DIAPH2: variants seen among roughly 807,000 people sequenced by gnomAD.
DIAPH2 encodes the protein protein diaphanous homolog 2.
DIAPH2 carries 35 observed loss-of-function variants against 92.7 expected under a neutral mutation model. The observed-to-expected ratio is 0.38, with a 90% CI of 0.29 to 0.50. The LOEUF (loss-of-function observed/expected upper bound fraction) is 0.50, where lower values mean the gene tolerates loss of function less well. Ranked by LOEUF, DIAPH2 falls within the 20% of genes least tolerant of loss-of-function variation. DIAPH2 has a pLI of 0.94. For synonymous variants in DIAPH2, 301 were observed against 280.4 expected, an observed-to-expected ratio of 1.07 and a Z score of -0.73; for missense variants, 701 against 819.5, an observed-to-expected ratio of 0.86 and a Z score of 1.77.
At chrX:97,437,795 C>T (rs1330819138) in intron 26 of DIAPH2, among the ~76,000 whole-genome samples, 1 of 108,265 alleles carries the variant, frequency 9.2e-6, no homozygotes, top group African/African-American at 3.4e-5. Flanking sequence ...CACACACACA[C>T]GTAAATGAGT....
chrX:96,845,749 A>G (rs918952448), intron 4 of DIAPH2, among the ~76,000 whole-genome samples: 4 of 112,048 alleles, frequency 3.6e-5, no homozygotes, highest in Non-Finnish European at 5.6e-5. Context: ...TAAAGCGTAA[A>G]TGAAAGCAAA....
intron 19 of DIAPH2, among the ~76,000 whole-genome samples, chrX:97,084,840 C>T (rs2066772372): frequency 9.0e-6 from 1 of 111,423 alleles, no homozygotes; most frequent in South Asian, 3.8e-4. Flanking sequence ...CCATCAAAAC[C>T]TTTTAATATT....
chrX:97,228,100 T>C (rs1018336054), intron 22 of DIAPH2, among the ~76,000 whole-genome samples: 3 of 111,120 alleles, frequency 2.7e-5, no homozygotes, highest in Middle Eastern at 4.6e-3. Flanking sequence ...GAGCTCTCAC[T>C]ATATTGGCCA....
intron 23 of DIAPH2, among the ~76,000 whole-genome samples, chrX:97,318,381 C>T (rs2147649366): frequency 9.1e-6 from 1 of 109,568 alleles, no homozygotes; most frequent in Non-Finnish European, 1.9e-5. Context: ...TCGTGATCCA[C>T]CAGCCTCGGC....
At chrX:97,274,621 AGTTTTTTTTTT>A (rs1278826573) in intron 23 of DIAPH2, among the ~76,000 whole-genome samples, 59 of 108,418 alleles carry the variant, frequency 5.4e-4, no homozygotes, top group East Asian at 1.2e-3. Flanking sequence ...TTTCAGCACA[AGTTTTTTTTTT>A]GTTTTTTTTT....
At chrX:97,568,847 T>C (rs1490509261) in intron 26 of DIAPH2, among the ~76,000 whole-genome samples, 2 of 112,125 alleles carry the variant, frequency 1.8e-5, no homozygotes, top group Non-Finnish European at 3.8e-5. Flanking sequence ...AAAAGAATTA[T>C]AGAGTTGAAA....
intron 23 of DIAPH2, among the ~76,000 whole-genome samples, chrX:97,281,803 A>G (rs2068499807): frequency 9.0e-6 from 1 of 111,479 alleles, no homozygotes; most frequent in Non-Finnish European, 1.9e-5. Context: ...TTGTATATAC[A>G]TTTGCAACAA....
At position 97,600,091 on chromosome X, in the gene DIAPH2, C is replaced by CTT. The variant is rs1011627539; in HGVS notation, c.*776_*777dup. 13 of 112,653 alleles carry CTT rather than the reference C, an allele frequency of 1.2e-4. No homozygotes were observed. Among genetic ancestry groups the CTT allele is most frequent in the African/African-American group, 3.5e-4 (11 of 30,992 alleles). The allele number at this position is 112,653 out of a possible 1,213,427, so 9.3% of individuals were successfully genotyped here. On this transcript the variant is annotated 3_prime_UTR_variant, in exon 27 of 27. Coordinates refer to ENST00000324765, the MANE Select transcript of DIAPH2 (RefSeq NM_006729.5). ...CACAGATATCTACTTTATACAAATACTTTATATGGCTATTTTTGAGAAAAC... is the reference window on the plus strand; with the variant it reads ...CACAGATATCTACTTTATACAAATACTTTTTATATGGCTATTTTTGAGAAAAC...
At chrX:96,693,672 CA>C (rs1361504766) in intron 1 of DIAPH2, among the ~76,000 whole-genome samples, 2 of 112,242 alleles carry the variant, frequency 1.8e-5, no homozygotes, top group Admixed American at 1.9e-4. Context: ...CTGATTCACA[CA>C]GAGGCACCAT....
intron 26 of DIAPH2, among the ~76,000 whole-genome samples, chrX:97,517,364 A>G (rs1457508624): frequency 3.6e-5 from 4 of 112,173 alleles, no homozygotes; most frequent in African/African-American, 1.3e-4. Flanking sequence ...TTTCTTATCA[A>G]TGAAATAATA....
intron 21 of DIAPH2, among the ~76,000 whole-genome samples, chrX:97,127,864 T>C (rs945453319): frequency 9.0e-6 from 1 of 111,292 alleles, no homozygotes; most frequent in Non-Finnish European, 1.9e-5. Context: ...AAAGATTAGC[T>C]GAGTGGGGTG....
At chrX:96,813,793 G>T (rs919117865) in intron 4 of DIAPH2, among the ~76,000 whole-genome samples, 3 of 111,485 alleles carry the variant, frequency 2.7e-5, no homozygotes, top group Non-Finnish European at 5.6e-5. Context: ...AGCTTAGTTC[G>T]GCTGGATATG....
intron 4 of DIAPH2, among the ~76,000 whole-genome samples, chrX:96,876,537 T>A (rs1209600904): frequency 8.9e-6 from 1 of 111,758 alleles, no homozygotes; most frequent in East Asian, 2.8e-4. Flanking sequence ...TAGACTGGAT[T>A]AAGGAAATGT....
intron 22 of DIAPH2, among the ~76,000 whole-genome samples, chrX:97,206,271 T>C (rs1443997079): frequency 9.0e-6 from 1 of 111,473 alleles, no homozygotes; most frequent in East Asian, 2.8e-4. Flanking sequence ...TGTATACCTA[T>C]GTGACAAACC....
intron 25 of DIAPH2, among the ~76,000 whole-genome samples, chrX:97,417,078 T>G (rs770319768): frequency 8.9e-6 from 1 of 111,970 alleles, no homozygotes; most frequent in East Asian, 2.8e-4. Flanking sequence ...TCCCAAGATG[T>G]TATTACAGGA....
chrX:97,158,422 ACTC>A (rs59920259), intron 22 of DIAPH2, among the ~76,000 whole-genome samples: 3,409 of 110,910 alleles, frequency 0.031, 120 homozygotes, highest in African/African-American at 0.099. Context: ...CATTTCTATC[ACTC>A]CTCGGCAGTG....
chrX:96,858,508 C>T (rs1019396813), intron 4 of DIAPH2, among the ~76,000 whole-genome samples: 3 of 111,960 alleles, frequency 2.7e-5, no homozygotes, highest in African/African-American at 9.7e-5. Context: ...ATTGTGGTTC[C>T]AGGAGATCAG....
chrX:97,484,095 A>C lies in DIAPH2; in HGVS notation c.3241+54350A>C, dbSNP rs144892004. Among the ~76,000 whole-genome samples, 630 of 111,475 alleles carry C rather than the reference A, an allele frequency of 5.7e-3. 2 individuals carry two copies. Among genetic ancestry groups the C allele is most frequent in the African/African-American group, 0.019 (598 of 30,730 alleles). ...ATATAGTTATTATATATCAATCATA[A>C]ATTGTTTAAAAATTTAGAGTATCAG... is the stretch of plus-strand genomic sequence containing the variant. On this transcript the variant is annotated intron_variant, in intron 26 of 26. Transcript: ENST00000324765.
chrX:97,244,952 G>T (rs2068127536), intron 22 of DIAPH2, among the ~76,000 whole-genome samples: 1 of 110,773 alleles, frequency 9.0e-6, no homozygotes, highest in African/African-American at 3.3e-5. Flanking sequence ...AGCTGGGCGT[G>T]GTGGCACATG....
Sources: gnomAD v4.1 joint callset for allele counts (sites outside exome capture counted in the v4.1 genomes callset) on GRCh38, gnomAD v4.1.1 for gene constraint, MANE v1.5 for transcripts, NCBI Gene and HGNC (gene_info 2026-07-23, HGNC 2026-07-21) for gene names.